The following RBFOX1 variants were observed in gnomAD, a reference collection of about 807,000 sequenced individuals.
RBFOX1 encodes RNA binding fox-1 homolog 1, also known as RNA binding protein fox-1 homolog 1.
A neutral mutation model predicts 57.7 loss-of-function variants in RBFOX1; 8 were observed. The observed-to-expected ratio is 0.14, with a 90% CI of 0.08 to 0.25. The LOEUF is 0.25. Ranked by LOEUF, RBFOX1 falls within the 10% of genes least tolerant of loss-of-function variation. The pLI, the probability that RBFOX1 is intolerant of heterozygous loss-of-function variation, is 1.00. For missense variants in RBFOX1, 611 were observed against 548.5 expected (o/e 1.11, Z -1.14); for synonymous variants, 326 against 222.4 (o/e 1.47, Z -4.15).
intron 3 of RBFOX1, among the ~76,000 whole-genome samples, chr16:6,695,127 A>T (rs1229268326): frequency 6.6e-6 from 1 of 152,140 alleles, no homozygotes; most frequent in Non-Finnish European, 1.5e-5. Flanking sequence ...GTAAAAAGGA[A>T]AAAAAACAAT....
chr16:7,195,414 T>C (rs2086455008), intron 4 of RBFOX1, among the ~76,000 whole-genome samples: 1 of 152,184 alleles, frequency 6.6e-6, no homozygotes, highest in Admixed American at 6.5e-5. Flanking sequence ...GAGGAGGTGA[T>C]CATTATTACA....
intron 4 of RBFOX1, among the ~76,000 whole-genome samples, chr16:7,459,386 G>C (rs1425130877): frequency 6.6e-6 from 1 of 152,136 alleles, no homozygotes; most frequent in Non-Finnish European, 1.5e-5. Flanking sequence ...AGTATGTTTG[G>C]TTCCGTGCCT....
intron 3 of RBFOX1, among the ~76,000 whole-genome samples, chr16:5,843,396 C>G (rs1004504516): frequency 6.6e-6 from 1 of 152,192 alleles, no homozygotes; most frequent in Admixed American, 6.5e-5. Context: ...ATTTGGTTTT[C>G]TGTTCCAGCA....
chr16:5,544,995 G>A (rs185662947), intron 2 of RBFOX1, among the ~76,000 whole-genome samples: 3,834 of 83,276 alleles, frequency 0.046, 67 homozygotes, highest in Non-Finnish European at 0.066. Flanking sequence ...TTTTTTTTTT[G>A]ATACGGAGTC....
chr16:6,487,144 C>CTGTGTGTGTGTGTGTGTG (rs60180975), intron 2 of RBFOX1, among the ~76,000 whole-genome samples: 34 of 140,222 alleles, frequency 2.4e-4, no homozygotes, highest in African/African-American at 8.5e-4. Flanking sequence ...TGTGGGGTTT[C>CTGTGTGTGTGTGTGTGTG]TGTGTGTGTG....
chr16:5,362,947 G>T (rs1466762303), intron 1 of RBFOX1, among the ~76,000 whole-genome samples: 5 of 151,238 alleles, frequency 3.3e-5, no homozygotes, highest in Non-Finnish European at 7.4e-5. Flanking sequence ...GCACATTTAG[G>T]TTGTTTTTAA....
At chr16:5,752,187 T>G (rs2053232238) in intron 3 of RBFOX1, among the ~76,000 whole-genome samples, 1 of 152,206 alleles carries the variant, frequency 6.6e-6, no homozygotes, top group Non-Finnish European at 1.5e-5. Context: ...AACCACATAC[T>G]GCATGTTCTT....
chr16:6,202,691 C>A (rs1231507755), intron 1 of RBFOX1, among the ~76,000 whole-genome samples: 2 of 152,130 alleles, frequency 1.3e-5, no homozygotes, highest in Non-Finnish European at 2.9e-5. Flanking sequence ...TCCAGGAAAC[C>A]ATCACCATAA....
At chr16:6,821,574 G>A (rs1374120187) in intron 3 of RBFOX1, among the ~76,000 whole-genome samples, 1 of 152,056 alleles carries the variant, frequency 6.6e-6, no homozygotes, top group Non-Finnish European at 1.5e-5. Flanking sequence ...CCAACCGCTG[G>A]TAACCACTGG....
chr16:6,115,991 T>G (rs2096492554), intron 1 of RBFOX1, among the ~76,000 whole-genome samples: 1 of 152,192 alleles, frequency 6.6e-6, no homozygotes, highest in Admixed American at 6.5e-5. Context: ...TGTAGCACTG[T>G]TCACAATAGC....
At chr16:6,351,878 C>G (rs1404804666) in intron 2 of RBFOX1, among the ~76,000 whole-genome samples, 1 of 152,132 alleles carries the variant, frequency 6.6e-6, no homozygotes, top group Admixed American at 6.5e-5. Flanking sequence ...TTACAACCTA[C>G]CTACAAGATA....
At chr16:7,381,501 C>A (rs546943230) in intron 4 of RBFOX1, among the ~76,000 whole-genome samples, 1 of 151,618 alleles carries the variant, frequency 6.6e-6, no homozygotes, top group African/African-American at 2.4e-5. Flanking sequence ...ATCGTTCCCC[C>A]CCGCCTTTTT....
chr16:6,867,057 G>A (rs2060068107), intron 3 of RBFOX1, among the ~76,000 whole-genome samples: 1 of 151,244 alleles, frequency 6.6e-6, no homozygotes, highest in Admixed American at 6.6e-5. Flanking sequence ...CTATTATTAT[G>A]AGTTTGTATT....
intron 10 of RBFOX1, among the ~76,000 whole-genome samples, chr16:7,625,168 C>CG (rs1301720156): frequency 6.6e-6 from 1 of 151,952 alleles, no homozygotes; most frequent in African/African-American, 2.4e-5. Flanking sequence ...TGTGTAAATG[C>CG]GGGTCGCCAT....
chr16:7,228,502 C>G (rs966164565), intron 4 of RBFOX1, among the ~76,000 whole-genome samples: 1 of 152,048 alleles, frequency 6.6e-6, no homozygotes, highest in Non-Finnish European at 1.5e-5. Flanking sequence ...CTCAGTGATT[C>G]ATAAAGATGG....
intron 3 of RBFOX1, among the ~76,000 whole-genome samples, chr16:5,662,801 T>C (rs552129273): frequency 6.6e-6 from 1 of 152,362 alleles, no homozygotes; most frequent in East Asian, 1.9e-4. Flanking sequence ...TCCCCTCCAC[T>C]TCTAAGTTGT....
At chr16:5,903,426 C>G (rs189483307) in intron 4 of RBFOX1, among the ~76,000 whole-genome samples, 11 of 152,264 alleles carry the variant, frequency 7.2e-5, no homozygotes, top group African/African-American at 2.6e-4. Context: ...GGGCAGATCC[C>G]TGTTTGCAAA....
chr16:5,284,154 C>A (rs2063336718), intron 1 of RBFOX1, among the ~76,000 whole-genome samples: 1 of 152,190 alleles, frequency 6.6e-6, no homozygotes, highest in Admixed American at 6.5e-5. Flanking sequence ...CCATGACTTG[C>A]TTCTTCTTGC....
At chr16:5,520,809 G>A (rs1264208710) in intron 2 of RBFOX1, among the ~76,000 whole-genome samples, 2 of 152,190 alleles carry the variant, frequency 1.3e-5, no homozygotes, top group Admixed American at 6.5e-5. Flanking sequence ...GGCTATCTGA[G>A]CAGAAGTCTA....
Sources: allele counts gnomAD v4.1 joint callset (sites outside exome capture counted in the v4.1 genomes callset), GRCh38; gene constraint gnomAD v4.1.1; transcripts MANE v1.5; gene names NCBI Gene and HGNC (gene_info 2026-07-23, HGNC 2026-07-21).